DDX25: variants seen among roughly 807,000 people sequenced by gnomAD.
DDX25 encodes DEAD-box helicase 25.
In DDX25, 70 loss-of-function variants were observed where a neutral mutation model predicts 64.6. That is an observed-to-expected ratio of 1.08 (90% CI 0.89 to 1.32). The LOEUF is 1.32. Among genes scored for constraint, DDX25 ranks in the 40% most tolerant of loss-of-function variants. The pLI is 0.00. For synonymous variants in DDX25, 211 were observed against 213.3 expected (o/e 0.99, Z 0.09); for missense variants, 587 against 604.4 (o/e 0.97, Z 0.30).
At chr11:125,910,339 C>T (rs1481765266) in intron 6 of DDX25, 25 bp from the exon 7 acceptor site, 1 of 1,598,394 alleles carries the variant, frequency 6.3e-7, no homozygotes, top group East Asian at 2.2e-5. Flanking sequence ...CCTTTCTCCT[C>T]CCCTCTTCTC....
At position 125,921,531 on chromosome 11, in the gene DDX25, A is replaced by T. The variant is rs1221386507; in HGVS notation, c.1390+152A>T. 2 of 773,954 alleles carry T rather than the reference A, an allele frequency of 2.6e-6. No homozygotes were observed. Among genetic ancestry groups the T allele is most frequent in the East Asian group, 5.4e-5 (2 of 36,902 alleles). The allele number at this position is 773,954 out of a possible 1,614,324, so 47.9% of individuals were successfully genotyped here. A position where few individuals can be genotyped will look rare whatever the true frequency, so the allele number is the denominator to read the frequency against. ...TTCTAATTCACAGGACCAGGGTTCT[A>T]ATATGAGACAGATGATTAAATAATG... On this transcript the variant is annotated intron_variant, in intron 11 of 11. Coordinates refer to ENST00000263576, the MANE Select transcript of DDX25 (RefSeq NM_013264.5). This position sits in a 1 kb window ranked among gnomAD's most constrained non-coding sequence, Gnocchi z 4.1.
Position 125,921,048 on chromosome 11 carries a change from A to G in DDX25, c.1202-143A>G. The G allele has an allele frequency of 1.3e-6, 1 of 795,838 alleles. No individual in the cohort carries two copies. Among genetic ancestry groups the G allele is most frequent in the Non-Finnish European group, 1.9e-6 (1 of 518,988 alleles). 49.3% of individuals were successfully genotyped at this position (795,838 alleles called of 1,614,324 possible). A position where few individuals can be genotyped will look rare whatever the true frequency, so the allele number is the denominator to read the frequency against. ...GCATGCAAGCAAACTTCCTAACCAAAGTACCTGTCTCAATTACATAAGCCC... is the reference window on the plus strand; with the variant it reads ...GCATGCAAGCAAACTTCCTAACCAAGGTACCTGTCTCAATTACATAAGCCC... On this transcript the variant is annotated intron_variant, in intron 10 of 11. Transcript: ENST00000263576. The surrounding 1 kb of genome is among the most constrained non-coding windows in gnomAD (Gnocchi z 4.1).
In DDX25 at chr11:125,926,874, C is replaced by A. The variant is rs1945172573; in HGVS notation, c.*3993C>A. 1 of 152,302 alleles carries A rather than the reference C, an allele frequency of 6.6e-6. No individual in the cohort carries two copies. The highest frequency in any genetic ancestry group is 1.5e-5 in the Non-Finnish European group (1 of 68,130). 9.4% of individuals were successfully genotyped at this position (152,302 alleles called of 1,614,324 possible). ...CCCTTCTCATTTCTGTCTGCTGACT[C>A]CTCTTCCCGTTCTGCTGCTCACATC... is the stretch of plus-strand genomic sequence containing the variant. On this transcript the variant is annotated 3_prime_UTR_variant, in exon 12 of 12. Coordinates refer to ENST00000263576, the MANE Select transcript of DDX25 (RefSeq NM_013264.5).
upstream of DDX25, chr11:125,904,385 G>A: frequency 1.2e-6 from 1 of 848,202 alleles, no homozygotes; most frequent in Non-Finnish European, 1.6e-6. Flanking sequence ...CCTGCGCGCC[G>A]CACCGCGGTG....
chr11:125,911,478 C>G lies in DDX25; in HGVS notation c.790C>G (p.Arg264Gly). The G allele has an allele frequency of 6.2e-7, 1 of 1,613,540 alleles. No individual in the cohort carries two copies. The highest frequency in any genetic ancestry group is 8.5e-7 in the Non-Finnish European group (1 of 1,179,690). Residue 264 changes from arginine to glycine, a missense_variant, in exon 8 of 12, where the codon CGT (arginine) becomes GGT (glycine). Transcript: ENST00000263576. ...DTQGFSDHSIRIQRALPSECQ... is the reference protein window; with the variant it reads ...DTQGFSDHSIGIQRALPSECQ... ...TCAAGGATTCTCAGATCATAGTATT[C>G]GTATTCAAAGGTAATCTTCAGAGTC...
chr11:125,904,765 G>A, intron 1 of DDX25, 185 bp downstream of exon 1: 2 of 746,290 alleles, frequency 2.7e-6, no homozygotes, highest in Non-Finnish European at 2.2e-6. Context: ...ACCCCCACGA[G>A]AGGCAAGACC....
At chr11:125,919,696 T>A (rs916196343) in intron 10 of DDX25, among the ~76,000 whole-genome samples, 2 of 151,876 alleles carry the variant, frequency 1.3e-5, no homozygotes, top group Non-Finnish European at 2.9e-5. Flanking sequence ...ATGCTAGGAG[T>A]GGATGCTGAC....
At chr11:125,903,868 G>A (rs1944834815), upstream of DDX25, among the ~76,000 whole-genome samples, 1 of 152,164 alleles carries the variant, frequency 6.6e-6, no homozygotes, top group South Asian at 2.1e-4. Flanking sequence ...AGGACGTAGA[G>A]GTTATACCGA....
chr11:125,909,671 T>C (rs1183215183), intron 6 of DDX25, among the ~76,000 whole-genome samples: 2 of 150,338 alleles, frequency 1.3e-5, no homozygotes, highest in African/African-American at 4.9e-5. Context: ...TTTTTTGACA[T>C]GGAGTCTCAC....
intron 1 of DDX25, 132 bp downstream of exon 1, chr11:125,904,712 G>A (rs1384846246): frequency 9.0e-7 from 1 of 1,114,152 alleles, no homozygotes; most frequent in Admixed American, 2.2e-5. Context: ...GGGGAGATGC[G>A]GGAAGGGTTT....
rs143445594 is a variant in DDX25 at position 125,928,349 on chromosome 11, T to C, written c.*5468T>C. Reference sequence around the variant, plus strand: ...TGACCAGATTGTCCTATCTAGTGAATATGCATATAGCTGACTTTGTTGAAC... The same window carrying C: ...TGACCAGATTGTCCTATCTAGTGAACATGCATATAGCTGACTTTGTTGAAC... On this transcript the variant is annotated 3_prime_UTR_variant, in exon 12 of 12. Transcript: ENST00000263576. The C allele has an allele frequency of 6.6e-6, 1 of 152,370 alleles. No individual in the cohort carries two copies. Among genetic ancestry groups the C allele is most frequent in the East Asian group, 1.9e-4 (1 of 5,188 alleles). 9.4% of individuals were successfully genotyped at this position (152,370 alleles called of 1,614,324 possible). A position where few individuals can be genotyped will look rare whatever the true frequency, so the allele number is the denominator to read the frequency against.
In DDX25 at chr11:125,925,007, C is replaced by A. The variant is rs1414737241; in HGVS notation, c.*2126C>A. 1 of 164,036 alleles carries A rather than the reference C, an allele frequency of 6.1e-6. No homozygotes were observed. Among genetic ancestry groups the A allele is most frequent in the African/African-American group, 2.4e-5 (1 of 41,590 alleles). The allele number at this position is 164,036 out of a possible 1,614,324, so 10.2% of individuals were successfully genotyped here. On this transcript the variant is annotated 3_prime_UTR_variant, in exon 12 of 12. Coordinates refer to ENST00000263576, the MANE Select transcript of DDX25 (RefSeq NM_013264.5). The stretch of plus-strand genomic sequence containing the variant: ...GTCTTTGTTGAGTAAATTTTTTTTT[C>A]TTTTGCCACTTCCTCATTCACTAAT...
intron 8 of DDX25, among the ~76,000 whole-genome samples, chr11:125,912,477 G>C (rs1223155606): frequency 6.6e-6 from 1 of 152,144 alleles, no homozygotes; most frequent in African/African-American, 2.4e-5. Context: ...AAAATCTGTG[G>C]ATGTTCAAGT....
intron 4 of DDX25, among the ~76,000 whole-genome samples, chr11:125,906,910 A>G (rs1220545141): frequency 6.6e-6 from 1 of 151,912 alleles, no homozygotes; most frequent in Non-Finnish European, 1.5e-5. Flanking sequence ...TGATAGTAAG[A>G]TATTTTCATC....
At position 125,918,360 on chromosome 11, in the gene DDX25, C is replaced by A. The variant is rs544045; in HGVS notation, c.1039-268C>A. Among the ~76,000 whole-genome samples, 102,170 of 152,074 alleles carry A rather than the reference C, an allele frequency of 0.67. 34,515 individuals carry two copies. The highest frequency in any genetic ancestry group is 0.73 in the Admixed American group (11,120 of 15,298). ...TGATATCATTTTGTCATCATAGCACCTGTGAGGCAGATGTAGCACATTTAT... is the reference window on the plus strand; with the variant it reads ...TGATATCATTTTGTCATCATAGCACATGTGAGGCAGATGTAGCACATTTAT... On this transcript the variant is annotated intron_variant, in intron 9 of 11. Transcript: ENST00000263576.
chr11:125,910,616 A>T, intron 7 of DDX25, 138 bp downstream of exon 7: 1 of 756,960 alleles, frequency 1.3e-6, no homozygotes, highest in Non-Finnish European at 2.2e-6. Context: ...TTGTTATTAG[A>T]ATTGAGATGA....
chr11:125,921,384 G>A lies in DDX25; in HGVS notation c.1390+5G>A, dbSNP rs1005999296. On this transcript the variant is annotated splice_donor_5th_base_variant and intron_variant, in intron 11 of 11. Coordinates refer to ENST00000263576, the MANE Select transcript of DDX25 (RefSeq NM_013264.5). This position sits in a 1 kb window ranked among gnomAD's most constrained non-coding sequence, Gnocchi z 4.1. ...TGAAAATCCAGGACCACTTTAGTAAGTAGCACCACCCTCACAATATGAACT... is the reference window on the plus strand; with the variant it reads ...TGAAAATCCAGGACCACTTTAGTAAATAGCACCACCCTCACAATATGAACT... 6 of 1,612,650 alleles carry A rather than the reference G, an allele frequency of 3.7e-6. No individual in the cohort carries two copies. In the African/African-American group the frequency reaches 4.0e-5, roughly 11 times the overall value.
chr11:125,903,504 T>C (rs1235767140), upstream of DDX25: 1 of 152,188 alleles, frequency 6.6e-6, no homozygotes, highest in Admixed American at 6.5e-5. Flanking sequence ...TTATACCTAG[T>C]TAAATGAGAA....
intron 10 of DDX25, among the ~76,000 whole-genome samples, chr11:125,920,449 GAAA>G (rs1034364471): frequency 6.7e-6 from 1 of 148,664 alleles, no homozygotes; most frequent in Non-Finnish European, 1.5e-5. Flanking sequence ...AAAAAAAAAA[GAAA>G]AAAGTTTTGC....
Sources: gnomAD v4.1 joint callset for allele counts (sites outside exome capture counted in the v4.1 genomes callset) on GRCh38, gnomAD v4.1.1 for gene constraint, Gnocchi (gnomAD v3.1) non-coding constraint, MANE v1.5 for transcripts, NCBI Gene and HGNC (gene_info 2026-07-23, HGNC 2026-07-21) for gene names.